COX10: variants seen among roughly 807,000 people sequenced by gnomAD.
The protein encoded by COX10 is cytochrome c oxidase assembly factor heme A:farnesyltransferase COX10.
Under a neutral mutation model 37.3 loss-of-function variants are expected in COX10, and 27 were observed. The observed-to-expected ratio is 0.72, with a 90% CI of 0.53 to 1.00. The LOEUF (loss-of-function observed/expected upper bound fraction) is 1.00. COX10 is among the 50% of genes least tolerant of loss of function. The probability of loss-of-function intolerance (pLI) is 0.00; values close to 1 mark genes in which losing one functional copy is unlikely to be tolerated. For missense variants in COX10, 475 were observed against 563.2 expected (o/e 0.84, Z 1.59); for synonymous variants, 222 against 229.1 (o/e 0.97, Z 0.28).
At chr17:14,082,201 C>T (rs947187704) in intron 3 of COX10, among the ~76,000 whole-genome samples, 37 of 152,052 alleles carry the variant, frequency 2.4e-4, no homozygotes, top group Admixed American at 5.9e-4. Context: ...ATAATGGACC[C>T]GGCAAGGAAA....
At chr17:14,081,488 T>C (rs1461374706) in intron 3 of COX10, among the ~76,000 whole-genome samples, 1 of 152,204 alleles carries the variant, frequency 6.6e-6, no homozygotes, top group African/African-American at 2.4e-5. Context: ...GAAGCAGGTA[T>C]TTTCCAGCTC....
intron 4 of COX10, among the ~76,000 whole-genome samples, chr17:14,141,085 G>A (rs1904529660): frequency 6.6e-6 from 1 of 151,864 alleles, no homozygotes; most frequent in Non-Finnish European, 1.5e-5. Context: ...TAAAGTTATA[G>A]TGTTAATTTA....
At chr17:14,165,180 A>T (rs1397957756) in intron 5 of COX10, among the ~76,000 whole-genome samples, 1 of 152,218 alleles carries the variant, frequency 6.6e-6, no homozygotes, top group African/African-American at 2.4e-5. Context: ...CTAAATTATT[A>T]TAGTTTGCAG....
At chr17:14,129,020 T>C (rs968052056) in intron 4 of COX10, among the ~76,000 whole-genome samples, 34 of 152,278 alleles carry the variant, frequency 2.2e-4, no homozygotes, top group African/African-American at 6.5e-4. Context: ...AATTTTTGTA[T>C]TTTTAGTAGA....
chr17:14,127,464 A>G (rs544594974), intron 4 of COX10, among the ~76,000 whole-genome samples: 1 of 152,288 alleles, frequency 6.6e-6, no homozygotes, highest in East Asian at 1.9e-4. Flanking sequence ...CTGATGTAAA[A>G]TCTTCTTAAT....
At chr17:14,135,906 A>T (rs960773712) in intron 4 of COX10, among the ~76,000 whole-genome samples, 1 of 151,938 alleles carries the variant, frequency 6.6e-6, no homozygotes, top group Admixed American at 6.6e-5. Context: ...GTGCTCTGTC[A>T]ATAGTTGTGT....
At position 14,155,532 on chromosome 17, in the gene COX10, G is replaced by A. The variant is rs531035717; in HGVS notation, c.625-4345G>A. Among the ~76,000 whole-genome samples the A allele has an allele frequency of 2.3e-3, 343 of 151,968 alleles. 1 individual carries two copies. Among genetic ancestry groups the A allele is most frequent in the Admixed American group, 3.8e-3 (58 of 15,238 alleles). On this transcript the variant is annotated intron_variant, in intron 4 of 6. Transcript: ENST00000261643. ...AGATCGAGACCATCCTGGCTAACAC[G>A]GTGAAACCCTGTCTCTATTAAAAAT...
intron 4 of COX10, among the ~76,000 whole-genome samples, chr17:14,123,864 T>C (rs1916277881): frequency 6.6e-6 from 1 of 152,186 alleles, no homozygotes; most frequent in African/African-American, 2.4e-5. Flanking sequence ...TTAAGTATCT[T>C]TAATCAGTCC....
chr17:14,170,682 G>T (rs1455787941), intron 5 of COX10, among the ~76,000 whole-genome samples: 2 of 152,108 alleles, frequency 1.3e-5, no homozygotes, highest in Non-Finnish European at 2.9e-5. Context: ...GCCGAGCATG[G>T]TGGCACACTC....
intron 5 of COX10, among the ~76,000 whole-genome samples, chr17:14,164,841 G>C (rs1597530631): frequency 6.6e-6 from 1 of 152,170 alleles, no homozygotes; most frequent in Admixed American, 6.5e-5. Flanking sequence ...GAAAGGAGAG[G>C]TGTCATTGTT....
At chr17:14,150,206 G>A (rs1214165909) in intron 4 of COX10, among the ~76,000 whole-genome samples, 1 of 151,982 alleles carries the variant, frequency 6.6e-6, no homozygotes, top group Non-Finnish European at 1.5e-5. Flanking sequence ...CCAGGATGCA[G>A]AGGTTGCAGC....
intron 4 of COX10, among the ~76,000 whole-genome samples, chr17:14,139,401 G>A (rs1453193261): frequency 6.6e-6 from 1 of 152,042 alleles, no homozygotes; most frequent in Non-Finnish European, 1.5e-5. Flanking sequence ...AAATTTGCTG[G>A]TGGACTTAGA....
chr17:14,193,427 A>G (rs1038620395), intron 6 of COX10, among the ~76,000 whole-genome samples: 1 of 151,282 alleles, frequency 6.6e-6, no homozygotes, highest in African/African-American at 2.4e-5. Context: ...TGTTGTTATC[A>G]TTCAGGAGTC....
At chr17:14,181,182 G>A (rs542807255) in intron 5 of COX10, among the ~76,000 whole-genome samples, 1 of 152,340 alleles carries the variant, frequency 6.6e-6, no homozygotes, top group East Asian at 1.9e-4. Context: ...ACAAAAGATG[G>A]AGAGAAGTGT....
At chr17:14,134,076 G>A (rs2142221220) in intron 4 of COX10, among the ~76,000 whole-genome samples, 1 of 151,738 alleles carries the variant, frequency 6.6e-6, no homozygotes, top group Non-Finnish European at 1.5e-5. Flanking sequence ...TACTGTAAAT[G>A]TTAGTAATAT....
intron 3 of COX10, among the ~76,000 whole-genome samples, chr17:14,101,683 C>T (rs1172643425): frequency 6.6e-6 from 1 of 152,194 alleles, no homozygotes; most frequent in Non-Finnish European, 1.5e-5. Context: ...TTGTCACAGA[C>T]TTGGGATCCT....
intron 4 of COX10, among the ~76,000 whole-genome samples, chr17:14,116,108 T>C (rs1293141383): frequency 6.6e-6 from 1 of 152,206 alleles, no homozygotes; most frequent in Non-Finnish European, 1.5e-5. Context: ...CAGTTTTTTT[T>C]CATATAATAC....
intron 4 of COX10, among the ~76,000 whole-genome samples, chr17:14,120,186 G>A (rs150272005): frequency 3.9e-4 from 60 of 152,310 alleles, no homozygotes; most frequent in African/African-American, 1.3e-3. Flanking sequence ...AGGATCATAA[G>A]TTCAGTTTTG....
At chr17:14,197,007 A>T (rs1215085705) in intron 6 of COX10, among the ~76,000 whole-genome samples, 1 of 152,118 alleles carries the variant, frequency 6.6e-6, no homozygotes, top group Non-Finnish European at 1.5e-5. Context: ...CCCTTTAGTC[A>T]CCCAGTCACC....
Sources: gnomAD v4.1 joint callset for allele counts (sites outside exome capture counted in the v4.1 genomes callset) on GRCh38, gnomAD v4.1.1 for gene constraint, MANE v1.5 for transcripts, NCBI Gene and HGNC (gene_info 2026-07-23, HGNC 2026-07-21) for gene names.